NFATC2: variants seen among roughly 807,000 people sequenced by gnomAD.
NFATC2 encodes the protein nuclear factor of activated T cells 2.
In NFATC2, 22 loss-of-function variants were observed where a neutral mutation model predicts 87.3. That is an observed-to-expected ratio of 0.25 (90% confidence interval 0.18 to 0.36). The LOEUF is 0.36. Ranked by LOEUF, NFATC2 falls within the 10% of genes least tolerant of loss-of-function variation. The probability of loss-of-function intolerance (pLI) is 1.00; values close to 1 mark genes in which losing one functional copy is unlikely to be tolerated. For missense variants in NFATC2, 1,149 were observed against 1,259.1 expected (o/e 0.91, Z 1.32); for synonymous variants, 565 against 542.2 (o/e 1.04, Z -0.58).
At chr20:51,534,054 T>A (rs2076679628) in intron 1 of NFATC2, among the ~76,000 whole-genome samples, 1 of 152,208 alleles carries the variant, frequency 6.6e-6, no homozygotes, top group Non-Finnish European at 1.5e-5. Context: ...ATAGCTTATG[T>A]CCACTGTGCC....
intron 8 of NFATC2, 84 bp downstream of exon 8, chr20:51,435,104 G>C: frequency 6.5e-7 from 1 of 1,539,632 alleles, no homozygotes; most frequent in Non-Finnish European, 8.8e-7. Context: ...AAAGTTACCC[G>C]GCTAGGAGCA....
chr20:51,532,696 A>C (rs775066037), intron 1 of NFATC2, among the ~76,000 whole-genome samples: 3 of 152,236 alleles, frequency 2.0e-5, no homozygotes, highest in Non-Finnish European at 2.9e-5. Context: ...CCGCCAGCCA[A>C]CAGATCACTT....
At chr20:51,433,460 G>A (rs117954546) in intron 8 of NFATC2, among the ~76,000 whole-genome samples, 2,518 of 152,260 alleles carry the variant, frequency 0.017, 33 homozygotes, top group Non-Finnish European at 0.025. Context: ...TTAAATGTGT[G>A]TGCAAAGCAC....
intron 3 of NFATC2, among the ~76,000 whole-genome samples, chr20:51,491,586 C>T (rs532554423): frequency 6.6e-6 from 1 of 152,228 alleles, no homozygotes; most frequent in Admixed American, 6.5e-5. Flanking sequence ...AGAAGTGCAG[C>T]GGCACCATTA....
intron 10 of NFATC2, among the ~76,000 whole-genome samples, chr20:51,396,532 G>A (rs1987170153): frequency 6.6e-6 from 1 of 152,178 alleles, no homozygotes; most frequent in Admixed American, 6.5e-5. Context: ...CCTCAAGCAT[G>A]TTTTCCAAAA....
At chr20:51,404,068 G>T (rs879758160) in intron 9 of NFATC2, among the ~76,000 whole-genome samples, 1 of 152,170 alleles carries the variant, frequency 6.6e-6, no homozygotes, top group Non-Finnish European at 1.5e-5. Context: ...TATCCCCACC[G>T]CCACACCTTT....
At chr20:51,495,381 C>T (rs975633813) in intron 3 of NFATC2, among the ~76,000 whole-genome samples, 4 of 152,236 alleles carry the variant, frequency 2.6e-5, no homozygotes, top group African/African-American at 9.6e-5. Context: ...AGCCAGCACA[C>T]ATGGCTGGAA....
At chr20:51,435,037 A>G (rs1983353063) in intron 8 of NFATC2, 151 bp downstream of exon 8, 7 of 945,094 alleles carry the variant, frequency 7.4e-6, no homozygotes, top group Non-Finnish European at 1.1e-5. Context: ...CCTTATAAGG[A>G]AGATGCTGTC....
At chr20:51,445,046 C>T (rs1364386066) in intron 6 of NFATC2, among the ~76,000 whole-genome samples, 3 of 152,164 alleles carry the variant, frequency 2.0e-5, no homozygotes, top group African/African-American at 7.2e-5. Flanking sequence ...TGCTGCCCCC[C>T]ACCAAGTCCA....
chr20:51,391,004 C>T lies in NFATC2; in HGVS notation c.*492G>A, dbSNP rs999762366. The T allele has an allele frequency of 3.5e-5, 12 of 342,110 alleles. No homozygotes were observed. The highest frequency in any genetic ancestry group is 1.5e-4 in the African/African-American group (7 of 46,992). The allele number at this position is 342,110 out of a possible 1,614,324, so 21.2% of individuals were successfully genotyped here. ...TGTATCTGTGACCTGGAAAAACGAA[C>T]GCAAGGGCTGGGGTTTAATCACAGT... On this transcript the variant is annotated 3_prime_UTR_variant, in exon 11 of 11. Transcript: ENST00000371564.
chr20:51,474,176 T>C (rs912941673), intron 4 of NFATC2, 24 bp from the exon 5 acceptor site: 8 of 1,611,058 alleles, frequency 5.0e-6, no homozygotes, highest in South Asian at 1.1e-5. Flanking sequence ...AAGAACCCCA[T>C]TGTCACCAAC....
chr20:51,521,218 T>C (rs918794295), intron 2 of NFATC2, among the ~76,000 whole-genome samples: 2 of 152,260 alleles, frequency 1.3e-5, no homozygotes, highest in African/African-American at 2.4e-5. Context: ...CATTTTCATC[T>C]GGTATGGGGG....
upstream of NFATC2, among the ~76,000 whole-genome samples, chr20:51,545,110 A>G (rs2076878408): frequency 6.6e-6 from 1 of 152,142 alleles, no homozygotes; most frequent in South Asian, 2.1e-4. Flanking sequence ...TATGACAGGG[A>G]CCCAAGGTCC....
At chr20:51,459,865 C>A (rs1986963369) in intron 5 of NFATC2, among the ~76,000 whole-genome samples, 1 of 151,958 alleles carries the variant, frequency 6.6e-6, no homozygotes, top group South Asian at 2.1e-4. Flanking sequence ...GGCAATAAAG[C>A]AAGACTTCAT....
intron 6 of NFATC2, among the ~76,000 whole-genome samples, chr20:51,454,204 T>C (rs1019914860): frequency 2.0e-5 from 3 of 152,220 alleles, no homozygotes; most frequent in African/African-American, 7.2e-5. Flanking sequence ...AGAGTATGCA[T>C]GCTTTATCAC....
intron 3 of NFATC2, among the ~76,000 whole-genome samples, chr20:51,493,509 C>A (rs2075934738): frequency 6.6e-6 from 1 of 152,190 alleles, no homozygotes; most frequent in Non-Finnish European, 1.5e-5. Context: ...CAGACTGACA[C>A]AGTGAATCTA....
At chr20:51,398,223 G>A (rs1233788490) in intron 10 of NFATC2, among the ~76,000 whole-genome samples, 1 of 152,206 alleles carries the variant, frequency 6.6e-6, no homozygotes. Context: ...TTCCTCAGTG[G>A]CTTCTTAGGT....
chr20:51,391,312 A>C lies in NFATC2; in HGVS notation c.*184T>G, dbSNP rs1354585561. 1.4e-6 allele frequency: 2 copies of C among 1,438,120 alleles called. No homozygotes were observed. The highest frequency in any genetic ancestry group is 4.5e-5 in the East Asian group (2 of 44,114). 89.1% of individuals were successfully genotyped at this position (1,438,120 alleles called of 1,614,324 possible). On this transcript the variant is annotated 3_prime_UTR_variant, in exon 11 of 11. Transcript: ENST00000371564. ...CGTGTGGACTCCGGGCTGGGAGATG[A>C]ACATGAAAGGAGACAGAAGGTGAGG...
chr20:51,430,294 C>T (rs774653277), intron 9 of NFATC2, among the ~76,000 whole-genome samples: 2 of 152,172 alleles, frequency 1.3e-5, no homozygotes, highest in African/African-American at 4.8e-5. Context: ...CAGGGCCTCA[C>T]GTGGAGAGGG....
Sources: allele counts gnomAD v4.1 joint callset (sites outside exome capture counted in the v4.1 genomes callset), GRCh38; gene constraint gnomAD v4.1.1; transcripts MANE v1.5; gene names NCBI Gene and HGNC (gene_info 2026-07-23, HGNC 2026-07-21).